The following FAM193B variants were observed in gnomAD, a reference collection of about 807,000 sequenced individuals.
The protein encoded by FAM193B is protein FAM193B.
A neutral mutation model predicts 70.7 loss-of-function variants in FAM193B; 27 were observed. That is an observed-to-expected ratio of 0.38 (90% CI 0.28 to 0.53). FAM193B has a LOEUF of 0.53. Among genes scored for constraint, FAM193B ranks in the 20% least tolerant of loss-of-function variants. The probability of loss-of-function intolerance (pLI) is 0.81; values close to 1 mark genes in which losing one functional copy is unlikely to be tolerated. For synonymous variants in FAM193B, 448 were observed against 436.0 expected (o/e 1.03, Z -0.34); for missense variants, 1,022 against 1,072.5 (o/e 0.95, Z 0.66).
At position 177,531,089 on chromosome 5, in the gene FAM193B, T is replaced by G. The variant is rs903823495; in HGVS notation, c.1275+1354A>C. 6.6e-5 allele frequency among the ~76,000 whole-genome samples: 10 copies of G among 152,110 alleles called. 1 individual carries two copies. Among genetic ancestry groups the G allele is most frequent in the African/African-American group, 9.7e-5 (4 of 41,406 alleles). ...AAGCAACTTCTCAGGCCATGACACG[T>G]TTTTTCCTCCAGTTATTTGCCCCCA... On this transcript the variant is annotated intron_variant, in intron 5 of 8. Coordinates refer to ENST00000514747, the MANE Select transcript of FAM193B (RefSeq NM_001190946.3).
chr5:177,525,248 C>T, intron 5 of FAM193B, 43 bp from the exon 6 acceptor site: 1 of 1,425,156 alleles, frequency 7.0e-7, no homozygotes, highest in Non-Finnish European at 9.2e-7. Flanking sequence ...CTGTCAACTG[C>T]CAGGCACAAT....
At chr5:177,531,847 A>G (rs973480909) in intron 5 of FAM193B, 1 of 1,159,354 alleles carries the variant, frequency 8.6e-7, no homozygotes, top group Admixed American at 3.7e-5. Flanking sequence ...GTCATCTCTA[A>G]AATGAGGATA....
Position 177,524,972 on chromosome 5 carries a change from A to G in FAM193B, c.1509T>C (p.Ser503=). 6.6e-7 allele frequency: 1 copy of G among 1,512,606 alleles called. No individual in the cohort carries two copies. Among genetic ancestry groups the G allele is most frequent in the Non-Finnish European group, 8.8e-7 (1 of 1,131,026 alleles). The allele number at this position is 1,512,606 out of a possible 1,614,324, so 93.7% of individuals were successfully genotyped here. Residue 503 remains serine, a synonymous_variant, in exon 6 of 9, where the codon TCT becomes TCC. Coordinates refer to ENST00000514747, the MANE Select transcript of FAM193B (RefSeq NM_001190946.3). The part of the protein sequence containing the change: ...CELSMDSNGF[S]KEGAAEPEPQ... ...GCTCAGGCTCAGCAGCCCCCTCCTT[A>G]GAGAAGCCATTGCTGTCCATGCTGA...
chr5:177,526,204 ACT>A, intron 5 of FAM193B, among the ~76,000 whole-genome samples: 2 of 152,302 alleles, frequency 1.3e-5, no homozygotes, highest in East Asian at 3.9e-4. Context: ...TCCACAATGG[ACT>A]ACAGTCAATT....
intron 1 of FAM193B, among the ~76,000 whole-genome samples, chr5:177,542,926 G>T (rs1765021233): frequency 6.6e-6 from 1 of 152,160 alleles, no homozygotes; most frequent in Non-Finnish European, 1.5e-5. Flanking sequence ...AGTGGGCCAT[G>T]TGGTAGAGAA....
At chr5:177,533,306 A>ATT (rs1394909751) in intron 4 of FAM193B, among the ~76,000 whole-genome samples, 4 of 141,360 alleles carry the variant, frequency 2.8e-5, no homozygotes, top group Non-Finnish European at 3.1e-5. Flanking sequence ...TAGAGTCGGC[A>ATT]TTTTTTTTTT....
intron 1 of FAM193B, among the ~76,000 whole-genome samples, chr5:177,543,608 C>T (rs1765102407): frequency 6.6e-6 from 1 of 152,186 alleles, no homozygotes; most frequent in Non-Finnish European, 1.5e-5. Flanking sequence ...CTACTTTCAT[C>T]TCCACTTTAA....
intron 1 of FAM193B, among the ~76,000 whole-genome samples, chr5:177,541,794 AC>A (rs1457889064): frequency 6.6e-6 from 1 of 152,010 alleles, no homozygotes; most frequent in Non-Finnish European, 1.5e-5. Flanking sequence ...GTTCCAGGAC[AC>A]CCCCCAGATA....
At chr5:177,534,439 GAC>G (rs1035833077) in intron 4 of FAM193B, among the ~76,000 whole-genome samples, 7 of 151,650 alleles carry the variant, frequency 4.6e-5, no homozygotes, top group African/African-American at 7.3e-5. Flanking sequence ...TGGGACTACA[GAC>G]ACACGCCACC....
In FAM193B at chr5:177,524,854, G is replaced by A; in HGVS notation, c.1627C>T (p.Gln543Ter). ...CCTGGAGCTTGTAACGTGTGGTTCTGAGGGGAGCCCAAAGTCAAAGGGGAC... is the reference window on the plus strand; with the variant it reads ...CCTGGAGCTTGTAACGTGTGGTTCTAAGGGGAGCCCAAAGTCAAAGGGGAC... ...DLSPLTLGSP[Q>*]NHTLQAPGEP... Residue 543 changes from glutamine (Q) to a stop codon, truncating the protein, a stop_gained, in exon 6 of 9, where the codon CAG (glutamine) becomes TAG (stop). Transcript: ENST00000514747. LOFTEE classifies it high-confidence loss of function. 6.6e-7 allele frequency: 1 copy of A among 1,511,790 alleles called. No individual in the cohort carries two copies. The highest frequency in any genetic ancestry group is 8.8e-7 in the Non-Finnish European group (1 of 1,132,568). The allele number at this position is 1,511,790 out of a possible 1,614,324, so 93.6% of individuals were successfully genotyped here. A position where few individuals can be genotyped will look rare whatever the true frequency, so the allele number is the denominator to read the frequency against.
At chr5:177,547,967 C>T (rs1554121051) in intron 1 of FAM193B, among the ~76,000 whole-genome samples, 1 of 124,020 alleles carries the variant, frequency 8.1e-6, no homozygotes, top group Non-Finnish European at 1.6e-5. Flanking sequence ...GAACCGAAGG[C>T]ACACACACAG....
chr5:177,535,353 A>T (rs1030569232), intron 4 of FAM193B, among the ~76,000 whole-genome samples: 1 of 152,254 alleles, frequency 6.6e-6, no homozygotes, highest in Non-Finnish European at 1.5e-5. Flanking sequence ...GACACTGTCA[A>T]CCCGGCATGT....
intron 1 of FAM193B, among the ~76,000 whole-genome samples, chr5:177,541,062 A>C (rs1404930090): frequency 6.6e-6 from 1 of 152,226 alleles, no homozygotes; most frequent in Non-Finnish European, 1.5e-5. Flanking sequence ...AGGAACTTAG[A>C]AAAAGAGTAC....
At position 177,536,490 on chromosome 5, in the gene FAM193B, G is replaced by T; in HGVS notation, c.944C>A (p.Thr315Asn). 3 of 1,576,870 alleles carry T rather than the reference G, an allele frequency of 1.9e-6. No individual in the cohort carries two copies. Among genetic ancestry groups the T allele is most frequent in the Admixed American group, 2.0e-5 (1 of 49,968 alleles). The change falls in exon 4 of 9, where the codon ACC becomes AAC. Residue 315 changes from threonine (T) to asparagine (N), a missense_variant. By Grantham distance (65) the Thr-to-Asn change is moderately conservative (BLOSUM62 0). Coordinates refer to ENST00000514747, the MANE Select transcript of FAM193B (RefSeq NM_001190946.3). ...GPCQSSHLPS[T>N]SMPLLKMPPP... is the part of the protein sequence containing the mutation. ...GGGCATCTTCAGGAGCGGCATGCTG[G>T]TGGAGGGTAGATGGGAGCTCTGACA...
At position 177,537,995 on chromosome 5, in the gene FAM193B, T is replaced by C. The variant is rs1764376471; in HGVS notation, c.566A>G (p.Asn189Ser). ...SSSSSSSCPG[N>S]SGDWDPSSFL... ...CGAGCTAGGATCCCAGTCTCCCGAG[T>C]TCCCAGGGCAGGAAGAGGAGGACGA... The change falls in exon 3 of 9, where the codon AAC (asparagine) becomes AGC (serine). Residue 189 changes from asparagine to serine, a missense_variant. By Grantham distance (46) the Asn-to-Ser change is conservative. Transcript: ENST00000514747. 3 of 1,558,456 alleles carry C rather than the reference T, an allele frequency of 1.9e-6. No homozygotes were observed. Among genetic ancestry groups the C allele is most frequent in the Non-Finnish European group, 2.6e-6 (3 of 1,151,008 alleles).
chr5:177,547,868 G>A (rs1381053540), intron 1 of FAM193B, among the ~76,000 whole-genome samples: 1 of 152,180 alleles, frequency 6.6e-6, no homozygotes, highest in Non-Finnish European at 1.5e-5. Flanking sequence ...ATGGACTGCA[G>A]CATGTTGGCC....
At chr5:177,535,777 T>C (rs1366337131) in intron 4 of FAM193B, among the ~76,000 whole-genome samples, 1 of 152,242 alleles carries the variant, frequency 6.6e-6, no homozygotes, top group Non-Finnish European at 1.5e-5. Context: ...AATATCTAAG[T>C]ATGTTATTTA....
Position 177,536,676 on chromosome 5 carries a change from C to T in FAM193B, c.758G>A (p.Gly253Asp). ...TAGAGATGCTGGCTGCGGGTGGTGG[C>T]CGGTGGGGCTGTTAGGGGGAGCAGT... ...DLTAPPNSPT[G>D]HHPQPASLIP... is the part of the protein sequence containing the mutation. Residue 253 changes from glycine to aspartate, a missense_variant, in exon 4 of 9, where the codon GGC becomes GAC. By Grantham distance (94) the Gly-to-Asp change is moderately conservative. Coordinates refer to ENST00000514747, the MANE Select transcript of FAM193B (RefSeq NM_001190946.3). 1 of 1,556,320 alleles carries T rather than the reference C, an allele frequency of 6.4e-7. No individual in the cohort carries two copies. The highest frequency in any genetic ancestry group is 8.7e-7 in the Non-Finnish European group (1 of 1,155,842).
chr5:177,552,928 T>C (rs980361922), intron 1 of FAM193B, among the ~76,000 whole-genome samples: 30 of 152,210 alleles, frequency 2.0e-4, no homozygotes, highest in African/African-American at 6.8e-4. Context: ...TTTTATTCTG[T>C]GTTAGCAAGG....
Sources: allele counts gnomAD v4.1 joint callset (sites outside exome capture counted in the v4.1 genomes callset), GRCh38; gene constraint gnomAD v4.1.1; transcripts MANE v1.5; gene names NCBI Gene and HGNC (gene_info 2026-07-23, HGNC 2026-07-21).